ZNF704: variants seen among roughly 807,000 people sequenced by gnomAD.
ZNF704 encodes glucocorticoid induced gene 1.
A neutral mutation model predicts 44.7 loss-of-function variants in ZNF704; 10 were observed. The ratio of observed to expected loss-of-function variants is 0.22; its 90% CI spans 0.14 to 0.38. ZNF704 has a LOEUF of 0.38. Among genes scored for constraint, ZNF704 ranks in the 10% least tolerant of loss-of-function variants. The pLI, the probability that ZNF704 is intolerant of heterozygous loss-of-function variation, is 1.00. For missense variants in ZNF704, 390 were observed against 545.5 expected, an observed-to-expected ratio of 0.71 and a Z score of 2.84; for synonymous variants, 211 against 207.6, an observed-to-expected ratio of 1.02 and a Z score of -0.14.
intron 1 of ZNF704, among the ~76,000 whole-genome samples, chr8:80,827,610 C>A (rs1808400212): frequency 6.6e-6 from 1 of 152,158 alleles, no homozygotes; most frequent in African/African-American, 2.4e-5. Context: ...GCCCACATTG[C>A]CAAGTCAATC....
intron 1 of ZNF704, among the ~76,000 whole-genome samples, chr8:80,835,075 T>C (rs1389240334): frequency 6.6e-6 from 1 of 152,152 alleles, no homozygotes; most frequent in Non-Finnish European, 1.5e-5. Context: ...AGCAGCACAC[T>C]TAGGATGGAA....
intron 2 of ZNF704, among the ~76,000 whole-genome samples, chr8:80,780,067 A>G (rs1807491767): frequency 1.3e-5 from 2 of 152,096 alleles, no homozygotes; most frequent in African/African-American, 4.8e-5. Context: ...GGTAGGGGTC[A>G]TGGTGATAAG....
chr8:80,743,582 C>T (rs1326466165), intron 2 of ZNF704, among the ~76,000 whole-genome samples: 1 of 152,226 alleles, frequency 6.6e-6, no homozygotes, highest in African/African-American at 2.4e-5. Context: ...TGCTGCCGCT[C>T]GGCACACCCT....
intron 7 of ZNF704, among the ~76,000 whole-genome samples, chr8:80,649,016 ATTTG>A (rs1170892003): frequency 6.6e-6 from 1 of 152,172 alleles, no homozygotes; most frequent in East Asian, 1.9e-4. Flanking sequence ...CTGCATTTCA[ATTTG>A]TTTATTTCTT....
intron 2 of ZNF704, among the ~76,000 whole-genome samples, chr8:80,703,778 G>A (rs1818850677): frequency 6.6e-6 from 1 of 152,164 alleles, no homozygotes; most frequent in Non-Finnish European, 1.5e-5. Context: ...CCCAGCCTTG[G>A]AGTAAGTTCA....
intron 4 of ZNF704, among the ~76,000 whole-genome samples, chr8:80,683,454 C>T (rs548136275): frequency 6.6e-6 from 1 of 152,330 alleles, no homozygotes; most frequent in Non-Finnish European, 1.5e-5. Context: ...TTGCTCCCAC[C>T]CTGCCACATA....
intron 1 of ZNF704, 79 bp from the exon 2 acceptor site, chr8:80,821,694 G>GTGTCTGTAATCTCTCCTC: frequency 9.9e-7 from 1 of 1,011,082 alleles, no homozygotes; most frequent in Non-Finnish European, 1.5e-6. Context: ...GGTGAGGAGA[G>GTGTCTGTAATCTCTCCTC]ATTACAGACA....
At chr8:80,757,711 C>T (rs1807060183) in intron 2 of ZNF704, among the ~76,000 whole-genome samples, 1 of 152,056 alleles carries the variant, frequency 6.6e-6, no homozygotes, top group South Asian at 2.1e-4. Context: ...CATTTTTAAT[C>T]CTTTATATTT....
intron 2 of ZNF704, among the ~76,000 whole-genome samples, chr8:80,723,403 A>G (rs1207610140): frequency 2.6e-5 from 4 of 152,222 alleles, no homozygotes; most frequent in African/African-American, 7.2e-5. Flanking sequence ...AATGCAAAGT[A>G]TTTTAACTGA....
intron 2 of ZNF704, among the ~76,000 whole-genome samples, chr8:80,696,233 T>C (rs982262137): frequency 1.3e-5 from 2 of 152,212 alleles, no homozygotes; most frequent in African/African-American, 2.4e-5. Flanking sequence ...CTCTCCTAAT[T>C]TGAATTTCAA....
chr8:80,735,452 G>C (rs1280386142), intron 2 of ZNF704, among the ~76,000 whole-genome samples: 1 of 152,136 alleles, frequency 6.6e-6, no homozygotes, highest in Non-Finnish European at 1.5e-5. Context: ...CAAACCTGTG[G>C]AGCCAGGGGC....
rs370188739 is a variant in ZNF704, at chr8:80,833,498, C to T, written c.-21-11883G>A. Among the ~76,000 whole-genome samples, 6 of 152,200 alleles carry T rather than the reference C, an allele frequency of 3.9e-5. No homozygotes were observed. In the East Asian group the frequency reaches 1.2e-3, roughly 29 times the overall value. ...CATTCTTCAAATTTCATGCTAGGTA[C>T]ACAGAAAAATATGTTGGACGGCAAA... On this transcript the variant is annotated intron_variant, in intron 1 of 8. Transcript: ENST00000327835.
intron 1 of ZNF704, among the ~76,000 whole-genome samples, chr8:80,855,747 A>G (rs1808949575): frequency 6.6e-6 from 1 of 152,214 alleles, no homozygotes; most frequent in African/African-American, 2.4e-5. Context: ...TAACAAAACT[A>G]CAATTGTACC....
intron 1 of ZNF704, among the ~76,000 whole-genome samples, chr8:80,872,480 C>T (rs1369550587): frequency 1.3e-5 from 2 of 152,254 alleles, no homozygotes; most frequent in South Asian, 2.1e-4. Flanking sequence ...AACTATTAAG[C>T]TCAGCTGTTC....
chr8:80,876,063 C>T (rs1809352980), upstream of ZNF704, among the ~76,000 whole-genome samples: 1 of 152,148 alleles, frequency 6.6e-6, no homozygotes, highest in Non-Finnish European at 1.5e-5. Flanking sequence ...CTTTCCATTC[C>T]CAAAGCTCTT....
intron 2 of ZNF704, among the ~76,000 whole-genome samples, chr8:80,777,792 T>C (rs1807440138): frequency 6.6e-6 from 1 of 151,782 alleles, no homozygotes; most frequent in Admixed American, 6.6e-5. Flanking sequence ...GGCAGGAGAA[T>C]TGCTTGAACC....
At chr8:80,716,313 T>G (rs1222960794) in intron 2 of ZNF704, among the ~76,000 whole-genome samples, 1 of 152,212 alleles carries the variant, frequency 6.6e-6, no homozygotes, top group African/African-American at 2.4e-5. Flanking sequence ...CATTTGAATT[T>G]TCTCCAACAC....
chr8:80,843,674 A>G (rs978099402), intron 1 of ZNF704, among the ~76,000 whole-genome samples: 13 of 152,120 alleles, frequency 8.5e-5, no homozygotes, highest in African/African-American at 1.2e-4. Flanking sequence ...ACACCTCTTA[A>G]TTTTCTTATT....
chr8:80,794,034 A>T (rs931768409), intron 2 of ZNF704, among the ~76,000 whole-genome samples: 2 of 152,204 alleles, frequency 1.3e-5, no homozygotes, highest in African/African-American at 2.4e-5. Flanking sequence ...AACAGGCATC[A>T]TTGTACAGAC....
Sources: gnomAD v4.1 joint callset for allele counts (sites outside exome capture counted in the v4.1 genomes callset) on GRCh38, gnomAD v4.1.1 for gene constraint, MANE v1.5 for transcripts, NCBI Gene and HGNC (gene_info 2026-07-23, HGNC 2026-07-21) for gene names.